The following SETD2 variants were observed in gnomAD, a reference collection of about 807,000 sequenced individuals.
The protein encoded by SETD2 is SET domain containing 2, histone lysine methyltransferase, also known as histone-lysine N-methyltransferase SETD2.
SETD2 carries 31 observed loss-of-function variants against 242.1 expected under a neutral mutation model. That is an observed-to-expected ratio of 0.13 (90% CI 0.10 to 0.17). The LOEUF (loss-of-function observed/expected upper bound fraction) is 0.17, where lower values mean the gene tolerates loss of function less well. Ranked by LOEUF, SETD2 falls within the 10% of genes least tolerant of loss-of-function variation. SETD2 has a pLI of 1.00. For synonymous variants in SETD2, 1,006 were observed against 1,066.5 expected (o/e 0.94, Z 1.11); for missense variants, 2,481 against 3,046.3 (o/e 0.81, Z 4.37).
Position 47,057,105 on chromosome 3 carries a change from G to C in SETD2, c.6679C>G (p.Pro2227Ala). The C allele has an allele frequency of 6.2e-7, 1 of 1,614,248 alleles. No individual in the cohort carries two copies. The highest frequency in any genetic ancestry group is 8.5e-7 in the Non-Finnish European group (1 of 1,180,040). Residue 2227 changes from proline to alanine, a missense_variant, in exon 15 of 21, where the codon CCA becomes GCA. By Grantham distance (27) the Pro-to-Ala change is conservative. Coordinates refer to ENST00000409792, the MANE Select transcript of SETD2 (RefSeq NM_014159.7). Reference sequence around the variant, plus strand: ...ACTTCCACAGGAGCTGCCACATGTGGCACCACTGGTACTGGTGGAGGGGCA... The same window carrying C: ...ACTTCCACAGGAGCTGCCACATGTGCCACCACTGGTACTGGTGGAGGGGCA... ...LSAPPPVPVVPHVAAPVEVSS... is the reference protein window; with the variant it reads ...LSAPPPVPVVAHVAAPVEVSS...
At position 47,107,040 on chromosome 3, in the gene SETD2, T is replaced by C. The variant is rs368778451; in HGVS notation, c.4716-920A>G. On this transcript the variant is annotated intron_variant, in intron 5 of 20. Transcript: ENST00000409792. ...TTATCTTTGAATGTTCTTTTCTTGA[T>C]TATTTACCTATTTATTCTGAACTGA... is the stretch of plus-strand genomic sequence containing the variant. Among the ~76,000 whole-genome samples, 26 of 152,186 alleles carry C rather than the reference T, an allele frequency of 1.7e-4. 1 individual carries two copies. The highest frequency in any genetic ancestry group is 1.2e-3 in the East Asian group (6 of 5,194).
intron 5 of SETD2, among the ~76,000 whole-genome samples, chr3:47,107,129 A>T (rs1343170473): frequency 6.6e-6 from 1 of 152,160 alleles, no homozygotes; most frequent in African/African-American, 2.4e-5. Context: ...CTAACCAATG[A>T]CTTCAACTAT....
At chr3:47,044,914 G>C (rs2039453790) in intron 16 of SETD2, among the ~76,000 whole-genome samples, 1 of 152,170 alleles carries the variant, frequency 6.6e-6, no homozygotes, top group Admixed American at 6.5e-5. Context: ...CAAAGGAAAT[G>C]CTTATTGGAA....
At chr3:47,138,814 C>T (rs2106785238) in intron 1 of SETD2, among the ~76,000 whole-genome samples, 1 of 152,310 alleles carries the variant, frequency 6.6e-6, no homozygotes, top group South Asian at 2.1e-4. Flanking sequence ...GATCTGCCCA[C>T]CTCAGCCTCC....
At chr3:47,131,358 C>CT (rs1240102924) in intron 1 of SETD2, among the ~76,000 whole-genome samples, 1 of 151,928 alleles carries the variant, frequency 6.6e-6, no homozygotes, top group Non-Finnish European at 1.5e-5. Context: ...AATTTTTTTT[C>CT]TTTGAGACAG....
chr3:47,131,592 C>T (rs1423736535), intron 1 of SETD2, among the ~76,000 whole-genome samples: 5 of 152,052 alleles, frequency 3.3e-5, no homozygotes, highest in South Asian at 2.1e-4. Context: ...CCGCCTGCCT[C>T]GGCCTCCCAA....
At chr3:47,124,663 T>A in intron 2 of SETD2, 115 bp from the exon 3 acceptor site, 1 of 887,978 alleles carries the variant, frequency 1.1e-6, no homozygotes, top group Non-Finnish European at 1.7e-6. Flanking sequence ...TAACAAATAG[T>A]ATGAATTTCA....
chr3:47,100,890 G>C (rs1262581484), intron 8 of SETD2, among the ~76,000 whole-genome samples: 2 of 151,030 alleles, frequency 1.3e-5, no homozygotes, highest in African/African-American at 2.4e-5. Context: ...GGCGCCTGTA[G>C]TACCAGCTGC....
At chr3:47,034,467 A>G (rs1226044671) in intron 18 of SETD2, among the ~76,000 whole-genome samples, 1 of 152,178 alleles carries the variant, frequency 6.6e-6, no homozygotes, top group Non-Finnish European at 1.5e-5. Context: ...TTTCTTTTGC[A>G]GGCCTCTAAA....
chr3:47,149,590 C>G (rs1230644560), intron 1 of SETD2, among the ~76,000 whole-genome samples: 2 of 152,188 alleles, frequency 1.3e-5, no homozygotes, highest in Non-Finnish European at 2.9e-5. Flanking sequence ...TCTGCCTACT[C>G]CATTTTTGCC....
chr3:47,040,904 G>A (rs1366189409), intron 17 of SETD2, among the ~76,000 whole-genome samples: 1 of 152,084 alleles, frequency 6.6e-6, no homozygotes, highest in African/African-American at 2.4e-5. Flanking sequence ...CTTTTTGTGA[G>A]AGTCCAAATT....
chr3:47,033,678 T>TTC (rs71098442), intron 18 of SETD2, among the ~76,000 whole-genome samples: 1 of 147,454 alleles, frequency 6.8e-6, no homozygotes, highest in South Asian at 2.2e-4. Context: ...TTTTTTTTTT[T>TTC]GAGACAGAGT....
intron 14 of SETD2, 65 bp downstream of exon 14, chr3:47,062,098 C>T (rs1303398936): frequency 6.9e-7 from 1 of 1,449,800 alleles, no homozygotes; most frequent in African/African-American, 1.4e-5. Context: ...AAGTATATGA[C>T]TTGGGTACTT....
rs2106641936 is a variant in SETD2 at position 47,121,185 on chromosome 3, T to C, written c.3451A>G (p.Lys1151Glu). ...PEISFTQSSR[K>E]QIDNRLPELS... ...TCAGGCAGGCGATTATCTATTTGTT[T>C]TCTACTGGACTGTGTAAAAGAAATT... The change falls in exon 3 of 21, where the codon AAA becomes GAA. Residue 1151 changes from lysine (K) to glutamate (E), a missense_variant. This residue lies in a region of SETD2 where 1,300 missense variants were observed against 1,259.2 expected (regional missense o/e 1.03). Coordinates refer to ENST00000409792, the MANE Select transcript of SETD2 (RefSeq NM_014159.7). The C allele has an allele frequency of 6.2e-7, 1 of 1,614,148 alleles. No homozygotes were observed.
rs750564283 is a variant in SETD2, at chr3:47,116,572, A to G, written c.4586+51T>C. The G allele has an allele frequency of 6.5e-6, 10 of 1,543,658 alleles. 1 individual carries two copies. In the South Asian group the frequency reaches 1.2e-4, roughly 18 times the overall value. On this transcript the variant is annotated intron_variant, in intron 4 of 20. Coordinates refer to ENST00000409792, the MANE Select transcript of SETD2 (RefSeq NM_014159.7). ...TCTTCATTGATAATTCAATATTTAGAGACATTTAATAGAAGTGTTGAGCAA... is the reference window on the plus strand; with the variant it reads ...TCTTCATTGATAATTCAATATTTAGGGACATTTAATAGAAGTGTTGAGCAA...
rs1240923501 is a variant in SETD2 at position 47,017,825 on chromosome 3, G to C, written c.7432-86C>G. On this transcript the variant is annotated intron_variant, in intron 19 of 20. Transcript: ENST00000409792. This position sits in a 1 kb window ranked among gnomAD's most constrained non-coding sequence, Gnocchi z 4.8. Reference sequence around the variant, plus strand: ...TGAGGAAATAACTAGAAAAGGTAGTGAGTAAAGCCAGCCAATCCTTCTCCT... The same window carrying C: ...TGAGGAAATAACTAGAAAAGGTAGTCAGTAAAGCCAGCCAATCCTTCTCCT... 2.5e-5 allele frequency: 24 copies of C among 963,964 alleles called. No individual in the cohort carries two copies. The highest frequency in any genetic ancestry group is 3.2e-5 in the Non-Finnish European group (19 of 594,928). 59.7% of individuals were successfully genotyped at this position (963,964 alleles called of 1,614,324 possible).
chr3:47,093,434 C>T (rs2041883843), intron 9 of SETD2, among the ~76,000 whole-genome samples: 1 of 151,984 alleles, frequency 6.6e-6, no homozygotes, highest in Non-Finnish European at 1.5e-5. Context: ...CAGGCACCCA[C>T]CATTACACTT....
intron 5 of SETD2, among the ~76,000 whole-genome samples, chr3:47,110,498 A>C (rs2042607644): frequency 6.6e-6 from 1 of 152,196 alleles, no homozygotes; most frequent in African/African-American, 2.4e-5. Flanking sequence ...TTCTCTTCCT[A>C]CAACTGGGAG....
chr3:47,087,111 C>T (rs893541359), intron 10 of SETD2, among the ~76,000 whole-genome samples: 3 of 150,626 alleles, frequency 2.0e-5, no homozygotes, highest in Non-Finnish European at 4.4e-5. Context: ...AAAAGGGTAC[C>T]GTTAAAATTT....
Sources: allele counts gnomAD v4.1 joint callset (sites outside exome capture counted in the v4.1 genomes callset), GRCh38; gene constraint gnomAD v4.1.1; regional missense constraint gnomAD v4.1.1; non-coding constraint Gnocchi (gnomAD v3.1); transcripts MANE v1.5; gene names NCBI Gene and HGNC (gene_info 2026-07-23, HGNC 2026-07-21).